CFAP97: variants seen among roughly 807,000 people sequenced by gnomAD.
CFAP97 encodes the protein cilia- and flagella-associated protein 97.
A neutral mutation model predicts 43.1 loss-of-function variants in CFAP97; 36 were observed. The observed-to-expected ratio is 0.84, with a 90% CI of 0.64 to 1.10. The LOEUF (loss-of-function observed/expected upper bound fraction) is 1.10. Ranked by LOEUF, CFAP97 falls within the 50% of genes least tolerant of loss-of-function variation. CFAP97 has a pLI of 0.00. For missense variants in CFAP97, 657 were observed against 620.3 expected (o/e 1.06, Z -0.63); for synonymous variants, 228 against 225.7 (o/e 1.01, Z -0.09).
chr4:185,204,923 A>G (rs566289898), upstream of CFAP97, among the ~76,000 whole-genome samples: 1 of 152,380 alleles, frequency 6.6e-6, no homozygotes, highest in Admixed American at 6.5e-5. Context: ...AAGACAATAC[A>G]CCTGTGTTGT....
At chr4:185,204,196 C>G (rs1386719898), upstream of CFAP97, 1 of 152,170 alleles carries the variant, frequency 6.6e-6, no homozygotes, top group Non-Finnish European at 1.5e-5. Flanking sequence ...AGAAGGCGGT[C>G]CAGCCCGCGT....
chr4:185,208,737 AAAAG>A (rs141395764), upstream of CFAP97, among the ~76,000 whole-genome samples: 16,409 of 151,980 alleles, frequency 0.11, 955 homozygotes, highest in Non-Finnish European at 0.14. Context: ...AAAAAAGAAA[AAAAG>A]AAAGAAAGAA....
At chr4:185,167,553 G>C (rs1271720302) in intron 3 of CFAP97, among the ~76,000 whole-genome samples, 1 of 152,154 alleles carries the variant, frequency 6.6e-6, no homozygotes, top group East Asian at 1.9e-4. Context: ...AGAAAGATTT[G>C]GGCTTAACAC....
chr4:185,162,924 T>C lies in CFAP97; in HGVS notation c.1473A>G (p.Arg491=). 1.3e-6 allele frequency: 2 copies of C among 1,549,852 alleles called. No homozygotes were observed. The highest frequency in any genetic ancestry group is 1.7e-6 in the Non-Finnish European group (2 of 1,155,636). ...RSTLGQYSPL[R]ASRTSSATSG... ...TCGTAGCACTGGATGTCCTGGAAGC[T>C]CCTGAAAATATAAAAAGAAGAAATA... The change falls in exon 5 of 5, where the codon AGA becomes AGG. Residue 491 remains arginine (R), a splice_region_variant and synonymous_variant. Transcript: ENST00000458385.
In CFAP97 at chr4:185,164,180, C is replaced by T. The variant is rs780163907; in HGVS notation, c.1321-1G>A. 4.3e-6 allele frequency: 7 copies of T among 1,613,166 alleles called. No individual in the cohort carries two copies. The highest frequency in any genetic ancestry group is 5.9e-6 in the Non-Finnish European group (7 of 1,179,460). ...CGGCCTCAAGCCTTTTCAATAAAGC[C>T]TTCAATAAAGACAATTAATTTGAAA... On this transcript the variant is annotated splice_acceptor_variant, in intron 3 of 4. Transcript: ENST00000458385. LOFTEE classifies it high-confidence loss of function.
At chr4:185,206,680 AAAG>A (rs1490453702), upstream of CFAP97, among the ~76,000 whole-genome samples, 9 of 151,490 alleles carry the variant, frequency 5.9e-5, no homozygotes, top group African/African-American at 2.2e-4. Flanking sequence ...AAAAAAAAAA[AAAG>A]AATGGAAGAT....
intron 1 of CFAP97, among the ~76,000 whole-genome samples, chr4:185,196,834 T>C (rs1000923252): frequency 6.6e-6 from 1 of 152,114 alleles, no homozygotes; most frequent in African/African-American, 2.4e-5. Context: ...GCGCAGTGGG[T>C]TGCGCCTGTA....
At chr4:185,171,237 C>T (rs1054068459) in intron 3 of CFAP97, among the ~76,000 whole-genome samples, 1 of 151,920 alleles carries the variant, frequency 6.6e-6, no homozygotes, top group Admixed American at 6.6e-5. Context: ...GGGTGTCACA[C>T]GCTTGTAGTC....
chr4:185,203,130 T>C (rs1170122152), intron 1 of CFAP97, among the ~76,000 whole-genome samples: 1 of 151,760 alleles, frequency 6.6e-6, no homozygotes, highest in Non-Finnish European at 1.5e-5. Flanking sequence ...AGCCCAGGAG[T>C]TGGGAGGCTG....
chr4:185,163,832 C>CAA (rs1422457899), intron 4 of CFAP97, among the ~76,000 whole-genome samples, 197 bp downstream of exon 4: 1 of 152,078 alleles, frequency 6.6e-6, no homozygotes. Flanking sequence ...CTCCTGGTTT[C>CAA]CTTCCTGTCA....
rs555761739 is a variant in CFAP97, at chr4:185,209,106, G to T, written c.-74+219C>A. On this transcript the variant is annotated intron_variant, in intron 1 of 2. Transcript: ENST00000503223. The surrounding 1 kb of genome is among the most constrained non-coding windows in gnomAD (Gnocchi z 5.2). ...CTTCTTTGGACCTTTCCATAGCTAG[G>T]AATTGCAGGCTTCACTTACTCCACC... Among the ~76,000 whole-genome samples the T allele has an allele frequency of 6.6e-6, 1 of 152,330 alleles. No individual in the cohort carries two copies. The highest frequency in any genetic ancestry group is 6.5e-5 in the Admixed American group (1 of 15,306).
rs775560192 is a variant in CFAP97 at position 185,164,137 on chromosome 4, T to C, written c.1363A>G (p.Met455Val). 9.9e-6 allele frequency: 16 copies of C among 1,613,944 alleles called. No homozygotes were observed. The highest frequency in any genetic ancestry group is 1.6e-4 in the Middle Eastern group (1 of 6,062). The part of the protein sequence containing the change: ...RLEAVKPTVG[M>V]KRSEQLMDYH... ...TCCATCAGTTGTTCTGAACGTTTCA[T>C]ACCAACTGTTGGTTTCACGGCCTCA... is the stretch of plus-strand genomic sequence containing the variant. The change falls in exon 4 of 5, where the codon ATG becomes GTG. Residue 455 changes from methionine to valine, a missense_variant. Met to Val is a conservative substitution (Grantham distance 21). Transcript: ENST00000458385.
At chr4:185,205,591 G>A (rs950506177), upstream of CFAP97, among the ~76,000 whole-genome samples, 7 of 152,220 alleles carry the variant, frequency 4.6e-5, no homozygotes, top group African/African-American at 1.7e-4. Context: ...CACTTTGAGA[G>A]GCTGAGGTGG....
chr4:185,190,035 C>A, intron 2 of CFAP97, 108 bp downstream of exon 2: 1 of 787,502 alleles, frequency 1.3e-6, no homozygotes, highest in African/African-American at 1.8e-5. Flanking sequence ...ATCAATCATT[C>A]CCAACAATAA....
intron 2 of CFAP97, among the ~76,000 whole-genome samples, chr4:185,178,857 C>T (rs1054237723): frequency 6.6e-6 from 1 of 152,074 alleles, no homozygotes; most frequent in Admixed American, 6.6e-5. Context: ...TGTCCAGCGA[C>T]CCTGTGCTTG....
intron 2 of CFAP97, among the ~76,000 whole-genome samples, chr4:185,186,711 T>C (rs1234240310): frequency 7.2e-5 from 11 of 152,184 alleles, no homozygotes; most frequent in Admixed American, 5.9e-4. Flanking sequence ...TTACTTACAT[T>C]ATATGGCAAC....
chr4:185,175,461 A>C (rs957534263), intron 3 of CFAP97, among the ~76,000 whole-genome samples: 4 of 151,962 alleles, frequency 2.6e-5, no homozygotes, highest in African/African-American at 7.3e-5. Flanking sequence ...TTTTTGGTAG[A>C]GCTGGGGTTT....
intron 3 of CFAP97, among the ~76,000 whole-genome samples, chr4:185,171,127 ATTAT>A (rs1735288325): frequency 6.6e-6 from 1 of 152,026 alleles, no homozygotes. Flanking sequence ...TCATCATTAC[ATTAT>A]TTATTTGTTT....
At chr4:185,167,034 T>C (rs1214099813) in intron 3 of CFAP97, among the ~76,000 whole-genome samples, 1 of 152,200 alleles carries the variant, frequency 6.6e-6, no homozygotes. Context: ...ATTTTATGTA[T>C]GGCCCCAGAC....
Sources: allele counts gnomAD v4.1 joint callset (sites outside exome capture counted in the v4.1 genomes callset), GRCh38; gene constraint gnomAD v4.1.1; non-coding constraint Gnocchi (gnomAD v3.1); transcripts MANE v1.5; gene names NCBI Gene and HGNC (gene_info 2026-07-23, HGNC 2026-07-21).